Variants in ALB observed in about 807,000 individuals in gnomAD.
The protein encoded by ALB is albumin, also known as serum albumin.
ALB carries 37 observed loss-of-function variants against 74.5 expected under a neutral mutation model. The ratio of observed to expected loss-of-function variants is 0.50; its 90% CI spans 0.38 to 0.65. The LOEUF is 0.65. Among genes scored for constraint, ALB ranks in the 30% least tolerant of loss-of-function variants. ALB has a pLI of 0.00. For missense variants in ALB, 685 were observed against 718.7 expected (o/e 0.95, Z 0.54); for synonymous variants, 249 against 251.6 (o/e 0.99, Z 0.10).
chr4:73,419,468 T>C, intron 12 of ALB, 39 bp from the exon 13 acceptor site: 1 of 1,596,280 alleles, frequency 6.3e-7, no homozygotes, highest in Non-Finnish European at 8.5e-7. Context: ...GAGTAATGTT[T>C]TTTCTGTTTT....
chr4:73,416,029 T>C (rs898124079), intron 9 of ALB, among the ~76,000 whole-genome samples: 2 of 152,180 alleles, frequency 1.3e-5, no homozygotes, highest in African/African-American at 4.8e-5. Flanking sequence ...TTGGCTCAAA[T>C]ACTGGTCATT....
chr4:73,410,614 T>G (rs1718850307), intron 6 of ALB, among the ~76,000 whole-genome samples: 1 of 152,164 alleles, frequency 6.6e-6, no homozygotes, highest in South Asian at 2.1e-4. Context: ...TTCTAAATAG[T>G]TGAATAATTT....
In ALB at chr4:73,413,856, C is replaced by T. The variant is rs541025459; in HGVS notation, c.1058+222C>T. Among the ~76,000 whole-genome samples, 32 of 152,258 alleles carry T rather than the reference C, an allele frequency of 2.1e-4. No homozygotes were observed. The South Asian group carries it at 5.4e-3, about 26-fold the overall frequency. On this transcript the variant is annotated intron_variant, in intron 8 of 14. Coordinates refer to ENST00000295897, the MANE Select transcript of ALB (RefSeq NM_000477.7). ...ATGGCAAAGCTCAACATTCCTTACT[C>T]CTTAGGGGTATTTCTGAAAATACGT...
chr4:73,408,879 T>C, intron 4 of ALB, 74 bp downstream of exon 4: 10 of 1,251,648 alleles, frequency 8.0e-6, no homozygotes, highest in Non-Finnish European at 1.1e-5. Flanking sequence ...TCTATAAAAA[T>C]TACCATAACA....
chr4:73,411,227 C>A (rs757811315), intron 6 of ALB, among the ~76,000 whole-genome samples: 2 of 130,304 alleles, frequency 1.5e-5, no homozygotes. Context: ...CCACCAAAAT[C>A]AACCAAATTT....
rs200736287 is a variant in ALB, at chr4:73,406,739, C to T, written c.248C>T (p.Ala83Val). 1.8e-4 allele frequency: 290 copies of T among 1,613,852 alleles called. 6 individuals carry two copies. In the South Asian group the frequency reaches 2.7e-3, roughly 15 times the overall value. ...AAAACATGTGTTGCTGATGAGTCAG[C>T]TGAAAATTGTGACAAATCACTTGTA... ...FAKTCVADES[A>V]ENCDKSLHTL... The change falls in exon 3 of 15, where the codon GCT becomes GTT. Residue 83 changes from alanine (A) to valine (V), a missense_variant. Ala to Val is a moderately conservative substitution (Grantham distance 64). Coordinates refer to ENST00000295897, the MANE Select transcript of ALB (RefSeq NM_000477.7).
In ALB at chr4:73,404,372, G is replaced by A. The variant is rs754121705; in HGVS notation, c.45G>A (p.Ser15=). 19 of 1,613,504 alleles carry A rather than the reference G, an allele frequency of 1.2e-5. No individual in the cohort carries two copies. Among genetic ancestry groups the A allele is most frequent in the Admixed American group, 3.3e-5 (2 of 59,980 alleles). Residue 15 remains serine (S), a synonymous_variant, in exon 1 of 15, where the codon TCG becomes TCA. Coordinates refer to ENST00000295897, the MANE Select transcript of ALB (RefSeq NM_000477.7). The part of the protein sequence containing the change: ...TFISLLFLFS[S]AYSRGVFRRD... ...TTTCCCTTCTTTTTCTCTTTAGCTC[G>A]GCTTATTCCAGGGGTGTGTTTCGTC...
intron 7 of ALB, 92 bp downstream of exon 7, chr4:73,412,217 G>A (rs967950230): frequency 6.8e-6 from 10 of 1,467,694 alleles, no homozygotes; most frequent in Non-Finnish European, 9.5e-6. Flanking sequence ...CTGACAGTGG[G>A]TTGAGATTGT....
intron 6 of ALB, among the ~76,000 whole-genome samples, chr4:73,411,643 G>C (rs13114289): frequency 0.43 from 65,778 of 152,048 alleles, 14,556 homozygotes; most frequent in Admixed American, 0.53. Context: ...AGCTCAGAGA[G>C]GCTGAGCCCT....
Position 73,410,328 on chromosome 4 carries a change from A to T in ALB, c.632A>T (p.Asp211Val), listed in dbSNP as rs747134745. ...TTTTTGTAGCTCGATGAACTTCGGG[A>T]TGAAGGGAAGGCTTCGTCTGCCAAA... ...CLLPKLDELR[D>V]EGKASSAKQR... Residue 211 changes from aspartate to valine, a missense_variant, in exon 6 of 15, where the codon GAT becomes GTT. Transcript: ENST00000295897. The T allele has an allele frequency of 5.0e-6, 8 of 1,613,672 alleles. No homozygotes were observed. The highest frequency in any genetic ancestry group is 5.9e-6 in the Non-Finnish European group (7 of 1,179,766).
At chr4:73,408,493 C>A in intron 3 of ALB, 101 bp from the exon 4 acceptor site, 1 of 1,059,848 alleles carries the variant, frequency 9.4e-7, no homozygotes, top group Non-Finnish European at 1.4e-6. Flanking sequence ...AAATGATTTC[C>A]TGACCAAGCT....
chr4:73,418,426 A>G, intron 12 of ALB, 115 bp downstream of exon 12: 1 of 917,916 alleles, frequency 1.1e-6, no homozygotes, highest in Non-Finnish European at 1.7e-6. Context: ...AAAGTATTGG[A>G]GTGTTGCCCT....
chr4:73,411,934 C>T (rs1395752051), intron 6 of ALB, 62 bp from the exon 7 acceptor site: 5 of 1,594,742 alleles, frequency 3.1e-6, no homozygotes, highest in Non-Finnish European at 4.3e-6. Flanking sequence ...TAGTATTTGC[C>T]TAGTGTTTTC....
chr4:73,421,004 T>A, intron 14 of ALB, 88 bp from the exon 15 acceptor site: 2 of 636,430 alleles, frequency 3.1e-6, no homozygotes, highest in Non-Finnish European at 5.6e-6. Flanking sequence ...AGAAAGATGA[T>A]CTAAGTAATT....
At chr4:73,405,558 T>C (rs1718698761) in intron 2 of ALB, among the ~76,000 whole-genome samples, 1 of 152,150 alleles carries the variant, frequency 6.6e-6, no homozygotes, top group Non-Finnish European at 1.5e-5. Flanking sequence ...CTTCTTTACA[T>C]AGCAAGCATT....
In ALB at chr4:73,413,623, C is replaced by T; in HGVS notation, c.1047C>T (p.Val349=). The change falls in exon 8 of 15, where the codon GTC becomes GTT. Residue 349 remains valine, a synonymous_variant. Coordinates refer to ENST00000295897, the MANE Select transcript of ALB (RefSeq NM_000477.7). ...VCKNYAEAKD[V]FLGMFLYEYA... The stretch of plus-strand genomic sequence containing the variant: ...AAAACTATGCTGAGGCAAAGGATGT[C>T]TTCCTGGGCATGTAAGTAGATAAGA... 1 of 1,614,066 alleles carries T rather than the reference C, an allele frequency of 6.2e-7. No individual in the cohort carries two copies. The highest frequency in any genetic ancestry group is 8.5e-7 in the Non-Finnish European group (1 of 1,179,948).
chr4:73,406,142 C>T (rs543741015), intron 2 of ALB, among the ~76,000 whole-genome samples: 207 of 152,098 alleles, frequency 1.4e-3, no homozygotes, highest in Non-Finnish European at 2.5e-3. Context: ...GCCTGTAGTC[C>T]TAGCTACTTA....
intron 2 of ALB, 24 bp downstream of exon 2, chr4:73,405,197 A>C: frequency 6.5e-7 from 1 of 1,548,274 alleles, no homozygotes; most frequent in Non-Finnish European, 8.9e-7. Context: ...TTGATGAATC[A>C]AATTTAATGT....
At chr4:73,409,985 C>A (rs1215567936) in intron 5 of ALB, among the ~76,000 whole-genome samples, 2 of 152,044 alleles carry the variant, frequency 1.3e-5, no homozygotes, top group African/African-American at 2.4e-5. Context: ...GAATTATACA[C>A]AAAATTTAAA....
Sources: gnomAD v4.1 joint callset for allele counts (sites outside exome capture counted in the v4.1 genomes callset) on GRCh38, gnomAD v4.1.1 for gene constraint, MANE v1.5 for transcripts, NCBI Gene and HGNC (gene_info 2026-07-23, HGNC 2026-07-21) for gene names.